SLCO1B3: variants seen among roughly 807,000 people sequenced by gnomAD.
SLCO1B3 encodes the protein liver-specific organic anion transporter 2.
A neutral mutation model predicts 71.8 loss-of-function variants in SLCO1B3; 72 were observed. That is an observed-to-expected ratio of 1.00 (90% confidence interval 0.83 to 1.22). SLCO1B3 has a LOEUF of 1.22. Ranked by LOEUF, SLCO1B3 falls within the 50% of genes most tolerant of loss-of-function variation. SLCO1B3 has a pLI of 0.00. For missense variants in SLCO1B3, 911 were observed against 819.7 expected (o/e 1.11, Z -1.36); for synonymous variants, 298 against 278.4 (o/e 1.07, Z -0.70).
intron 1 of SLCO1B3, among the ~76,000 whole-genome samples, chr12:20,812,510 T>C (rs11045522): frequency 0.1 from 15,768 of 152,218 alleles, 1,060 homozygotes; most frequent in Middle Eastern, 0.17. Context: ...GGAAGACATA[T>C]ACATGAAGGT....
intron 3 of SLCO1B3, among the ~76,000 whole-genome samples, chr12:20,819,312 C>G (rs138504796): frequency 1.7e-4 from 26 of 152,126 alleles, no homozygotes; most frequent in Admixed American, 1.4e-3. Context: ...AGAATTATGC[C>G]GAGATAGGTA....
chr12:20,875,330 C>G lies in SLCO1B3; in HGVS notation c.823C>G (p.Pro275Ala). ...ACTATTTTCCATTATTTCTTCCATA[C>G]CATTTTTTTTCTTGCCGAAAAATCC... ...SGLFSIISSIPFFFLPKNPNK... is the reference protein window; with the variant it reads ...SGLFSIISSIAFFFLPKNPNK... Residue 275 changes from proline to alanine, a missense_variant, in exon 9 of 16, where the codon CCA (proline) becomes GCA (alanine). Coordinates refer to ENST00000381545, the MANE Select transcript of SLCO1B3 (RefSeq NM_019844.4). 6.2e-7 allele frequency: 1 copy of G among 1,613,270 alleles called. No homozygotes were observed. Among genetic ancestry groups the G allele is most frequent in the Non-Finnish European group, 8.5e-7 (1 of 1,179,532 alleles).
chr12:20,915,925 T>C, intron 15 of SLCO1B3, 79 bp from the exon 16 acceptor site: 1 of 1,061,268 alleles, frequency 9.4e-7, no homozygotes, highest in South Asian at 1.7e-5. Context: ...TTTTAAGATA[T>C]GCATACTGGG....
chr12:20,901,660 A>G (rs1281862454), intron 15 of SLCO1B3, among the ~76,000 whole-genome samples, 193 bp downstream of exon 15: 1 of 152,208 alleles, frequency 6.6e-6, no homozygotes, highest in Non-Finnish European at 1.5e-5. Context: ...GGAAATGTAT[A>G]TATTCCTCCT....
intron 12 of SLCO1B3, among the ~76,000 whole-genome samples, chr12:20,881,747 G>A (rs1260160740): frequency 2.0e-5 from 3 of 151,808 alleles, no homozygotes; most frequent in African/African-American, 7.3e-5. Flanking sequence ...TTGGAAATTA[G>A]GTATGCTGTT....
chr12:20,900,813 C>T (rs1164885270), intron 14 of SLCO1B3, among the ~76,000 whole-genome samples: 5 of 152,140 alleles, frequency 3.3e-5, no homozygotes, highest in East Asian at 3.9e-4. Flanking sequence ...CGGAGCACCC[C>T]GTGAAGCTGG....
At chr12:20,857,667 T>C (rs1865168257) in intron 4 of SLCO1B3, among the ~76,000 whole-genome samples, 1 of 152,076 alleles carries the variant, frequency 6.6e-6, no homozygotes, top group Non-Finnish European at 1.5e-5. Context: ...CTACTCTTTT[T>C]AGTTTAATAT....
At chr12:20,885,304 G>T (rs1313215646) in intron 13 of SLCO1B3, among the ~76,000 whole-genome samples, 1 of 152,074 alleles carries the variant, frequency 6.6e-6, no homozygotes. Flanking sequence ...ACTAGACTCA[G>T]CAGGAGTGTA....
intron 13 of SLCO1B3, among the ~76,000 whole-genome samples, chr12:20,889,012 G>A (rs1317509338): frequency 6.6e-6 from 1 of 150,460 alleles, no homozygotes; most frequent in Non-Finnish European, 1.5e-5. Context: ...CGCATATGTT[G>A]AACCATCCTT....
chr12:20,909,837 T>C (rs1209211476), intron 15 of SLCO1B3, among the ~76,000 whole-genome samples: 1 of 152,134 alleles, frequency 6.6e-6, no homozygotes, highest in Admixed American at 6.5e-5. Context: ...TAGCCTCCTA[T>C]TGATGTGATC....
intron 3 of SLCO1B3, among the ~76,000 whole-genome samples, chr12:20,831,086 C>T (rs562098460): frequency 1.3e-4 from 20 of 152,142 alleles, no homozygotes; most frequent in South Asian, 1.2e-3. Context: ...AGGCCGGGCG[C>T]GGTGGCTCAC....
chr12:20,897,543 T>C (rs1237090900), intron 13 of SLCO1B3, among the ~76,000 whole-genome samples: 1 of 152,198 alleles, frequency 6.6e-6, no homozygotes, highest in African/African-American at 2.4e-5. Context: ...ATAATTTGTC[T>C]ATTTACTTTC....
At chr12:20,887,389 T>G (rs1865810738) in intron 13 of SLCO1B3, among the ~76,000 whole-genome samples, 1 of 152,010 alleles carries the variant, frequency 6.6e-6, no homozygotes, top group Non-Finnish European at 1.5e-5. Context: ...CTCTTGACTT[T>G]TGACCTTGTA....
chr12:20,860,891 A>G, intron 5 of SLCO1B3, 126 bp from the exon 6 acceptor site: 2 of 982,108 alleles, frequency 2.0e-6, no homozygotes, highest in Middle Eastern at 3.5e-4. Flanking sequence ...GAAGTTGACA[A>G]ACAAGATTCT....
chr12:20,832,401 G>GTATACT, intron 3 of SLCO1B3, among the ~76,000 whole-genome samples: 1 of 151,890 alleles, frequency 6.6e-6, no homozygotes, highest in Non-Finnish European at 1.5e-5. Context: ...ATCTGCCAGT[G>GTATACT]TATACTTCTT....
intron 15 of SLCO1B3, among the ~76,000 whole-genome samples, chr12:20,906,860 T>C (rs1205156349): frequency 6.6e-6 from 1 of 152,150 alleles, no homozygotes; most frequent in East Asian, 1.9e-4. Context: ...AAGACTGTGT[T>C]GGCAAAGTAT....
chr12:20,823,762 C>A (rs548714254), intron 3 of SLCO1B3, among the ~76,000 whole-genome samples: 1 of 152,262 alleles, frequency 6.6e-6, no homozygotes, highest in African/African-American at 2.4e-5. Flanking sequence ...TGGGTGAATT[C>A]TTCTCTTTCT....
chr12:20,907,409 T>C (rs1866268803), intron 15 of SLCO1B3, among the ~76,000 whole-genome samples: 1 of 141,192 alleles, frequency 7.1e-6, no homozygotes. Flanking sequence ...CTTCCTTCTT[T>C]CCTTCCTTCC....
At position 20,862,812 on chromosome 12, in the gene SLCO1B3, CTGTT is replaced by C; in HGVS notation, c.688_691del (p.Phe230LeufsTer10). The C allele has an allele frequency of 1.9e-6, 3 of 1,611,532 alleles. No individual in the cohort carries two copies. The highest frequency in any genetic ancestry group is 2.5e-6 in the Non-Finnish European group (3 of 1,177,872). On this transcript the variant is annotated frameshift_variant, in exon 8 of 16. Transcript: ENST00000381545. LOFTEE classifies it high-confidence loss of function. ...AGTCATTGGCTTTGCACTGGGATCT[CTGTT>C]TGCTAAAATGTACGTGGATATTGGA...
Sources: gnomAD v4.1 joint callset for allele counts (sites outside exome capture counted in the v4.1 genomes callset) on GRCh38, gnomAD v4.1.1 for gene constraint, MANE v1.5 for transcripts, NCBI Gene and HGNC (gene_info 2026-07-23, HGNC 2026-07-21) for gene names.